Variants in TNS4 observed in about 807,000 individuals in gnomAD.
TNS4 encodes the protein tensin-4.
A neutral mutation model predicts 70.4 loss-of-function variants in TNS4; 46 were observed. The observed-to-expected ratio is 0.65, with a 90% CI of 0.52 to 0.84. The LOEUF is 0.84. Among genes scored for constraint, TNS4 ranks in the 40% least tolerant of loss-of-function variants. The probability of loss-of-function intolerance (pLI) is 0.00; values close to 1 mark genes in which losing one functional copy is unlikely to be tolerated. For missense variants in TNS4, 863 were observed against 907.0 expected (o/e 0.95, Z 0.62); for synonymous variants, 390 against 366.6 (o/e 1.06, Z -0.73).
intron 2 of TNS4, among the ~76,000 whole-genome samples, chr17:40,489,813 A>AAAAAAAAG (rs1555593256): frequency 6.0e-5 from 9 of 150,894 alleles, no homozygotes; most frequent in Non-Finnish European, 1.2e-4. Context: ...AAAAAAAAAA[A>AAAAAAAAG]GGAAGTGGTT....
chr17:40,478,732 G>T, intron 10 of TNS4, 84 bp from the exon 11 acceptor site: 2 of 1,484,130 alleles, frequency 1.3e-6, no homozygotes, highest in Non-Finnish European at 1.9e-6. Context: ...TTCCCCCCAA[G>T]CTCAGGTGCC....
At chr17:40,499,348 G>A (rs182413094) in intron 1 of TNS4, among the ~76,000 whole-genome samples, 1 of 152,130 alleles carries the variant, frequency 6.6e-6, no homozygotes, top group Non-Finnish European at 1.5e-5. Context: ...ATGCTCACTC[G>A]GGGAGCTCGG....
chr17:40,484,874 G>C (rs751586242), intron 5 of TNS4, 47 bp downstream of exon 5: 1 of 1,599,932 alleles, frequency 6.3e-7, no homozygotes, highest in East Asian at 2.2e-5. Context: ...CTGATGCAAA[G>C]TGCAAGACCC....
chr17:40,496,221 C>A lies in TNS4; in HGVS notation c.205G>T (p.Ala69Ser). The stretch of plus-strand genomic sequence containing the variant: ...GTGGCTTTGGCCTCCACCTGTGGGG[C>A]TTGCTGGAGTCGGCCAGGGGGCCCC... ...CMGPPGRLQQ[A>S]PQVEAKATCF... The change falls in exon 2 of 13, where the codon GCC becomes TCC. Residue 69 changes from alanine (A) to serine (S), a missense_variant. By Grantham distance (99) the Ala-to-Ser change is moderately conservative (BLOSUM62 1). Transcript: ENST00000254051. 6.3e-7 allele frequency: 1 copy of A among 1,598,598 alleles called. No homozygotes were observed.
chr17:40,483,556 C>G (rs1355843950), intron 6 of TNS4, among the ~76,000 whole-genome samples: 5 of 152,178 alleles, frequency 3.3e-5, no homozygotes, highest in African/African-American at 1.2e-4. Context: ...GTTTCTGTCT[C>G]CCCCTGCCCA....
chr17:40,496,082 G>A lies in TNS4; in HGVS notation c.344C>T (p.Thr115Ile). 1 of 1,613,160 alleles carries A rather than the reference G, an allele frequency of 6.2e-7. No individual in the cohort carries two copies. Among genetic ancestry groups the A allele is most frequent in the Non-Finnish European group, 8.5e-7 (1 of 1,179,674 alleles). Reference sequence around the variant, plus strand: ...AGTCCCTGGGGGAAGCAGCTGGAAGGTGGGGTCCAGTTCCAGGATCATCTG... The same window carrying A: ...AGTCCCTGGGGGAAGCAGCTGGAAGATGGGGTCCAGTTCCAGGATCATCTG... Reference protein sequence around the residue: ...LNQMILELDPTFQLLPPGTGG... With the variant: ...LNQMILELDPIFQLLPPGTGG... The change falls in exon 2 of 13, where the codon ACC (threonine) becomes ATC (isoleucine). Residue 115 changes from threonine (T) to isoleucine (I), a missense_variant. By Grantham distance (89) the Thr-to-Ile change is moderately conservative. Transcript: ENST00000254051.
At position 40,496,343 on chromosome 17, in the gene TNS4, A is replaced by C; in HGVS notation, c.83T>G (p.Leu28Arg). Residue 28 changes from leucine to arginine, a missense_variant, in exon 2 of 13, where the codon CTG (leucine) becomes CGG (arginine). By Grantham distance (102) the Leu-to-Arg change is moderately radical. Coordinates refer to ENST00000254051, the MANE Select transcript of TNS4 (RefSeq NM_032865.6). ...LAPCDEPRRT[L>R]HPAPSPSLPP... is the part of the protein sequence containing the mutation. The stretch of plus-strand genomic sequence containing the variant: ...CAGGCTGGGGCTGGGTGCTGGGTGC[A>C]GGGTCCTCCTGGGCTCATCACAAGG... 1 of 1,613,538 alleles carries C rather than the reference A, an allele frequency of 6.2e-7. No homozygotes were observed. The highest frequency in any genetic ancestry group is 8.5e-7 in the Non-Finnish European group (1 of 1,179,904).
intron 6 of TNS4, 54 bp downstream of exon 6, chr17:40,484,430 C>G: frequency 6.3e-7 from 1 of 1,594,138 alleles, no homozygotes; most frequent in South Asian, 1.1e-5. Context: ...CTGGAACCTA[C>G]CACACCCCGC....
intron 3 of TNS4, among the ~76,000 whole-genome samples, chr17:40,488,102 C>T (rs1277843314): frequency 6.6e-6 from 1 of 152,206 alleles, no homozygotes; most frequent in African/African-American, 2.4e-5. Flanking sequence ...GAGAACTGAG[C>T]TGGGATGATT....
rs2036005836 is a variant in TNS4 at position 40,487,448 on chromosome 17, G to A, written c.876C>T (p.Leu292=). ...VSYMFGSSQS[L]LHSSNSSHQS... ...GATGGCTGGAGTTGCTGGAGTGCAG[G>A]AGGGACTGGCTGCTGCAGCGGGAGA... is the stretch of plus-strand genomic sequence containing the variant. Residue 292 remains leucine, a synonymous_variant, in exon 4 of 13, where the codon CTC becomes CTT. Transcript: ENST00000254051. The A allele has an allele frequency of 6.2e-7, 1 of 1,606,822 alleles. No homozygotes were observed. Among genetic ancestry groups the A allele is most frequent in the African/African-American group, 1.3e-5 (1 of 74,914 alleles).
chr17:40,486,498 C>T (rs929850037), intron 4 of TNS4, among the ~76,000 whole-genome samples: 14 of 151,748 alleles, frequency 9.2e-5, no homozygotes, highest in African/African-American at 2.9e-4. Flanking sequence ...AGGAGGCTCT[C>T]TGATGGTACC....
intron 1 of TNS4, among the ~76,000 whole-genome samples, chr17:40,500,921 G>A (rs1436039651): frequency 1.3e-5 from 2 of 152,050 alleles, no homozygotes; most frequent in Admixed American, 6.6e-5. Context: ...GGCTCCCAGA[G>A]CGCTGGGAGG....
intron 2 of TNS4, among the ~76,000 whole-genome samples, chr17:40,489,886 G>T (rs2036044712): frequency 6.6e-6 from 1 of 151,878 alleles, no homozygotes; most frequent in South Asian, 2.1e-4. Flanking sequence ...CTCACCCCAG[G>T]CTGCGCCTTG....
Position 40,496,241 on chromosome 17 carries a change from G to A in TNS4, c.185C>T (p.Pro62Leu). 6.3e-7 allele frequency: 1 copy of A among 1,594,520 alleles called. No individual in the cohort carries two copies. The highest frequency in any genetic ancestry group is 8.5e-7 in the Non-Finnish European group (1 of 1,171,066). The change falls in exon 2 of 13, where the codon CCC (proline) becomes CTC (leucine). Residue 62 changes from proline to leucine, a missense_variant. Pro to Leu is a moderately conservative substitution (Grantham distance 98). Transcript: ENST00000254051. ...ALMAPVPCMG[P>L]PGRLQQAPQV... The stretch of plus-strand genomic sequence containing the variant: ...TGGGGCTTGCTGGAGTCGGCCAGGG[G>A]GCCCCATGCAGGGCACGGGGGCCAT...
In TNS4 at chr17:40,476,304, T is replaced by C. The variant is rs2035846469; in HGVS notation, c.*1284A>G. On this transcript the variant is annotated 3_prime_UTR_variant, in exon 13 of 13. Transcript: ENST00000254051. Reference sequence around the variant, plus strand: ...CTCTTAGGGAAGCGGCCTCTTTGCATTCTTGACTCTCTGCTTCCCCCGTGT... The same window carrying C: ...CTCTTAGGGAAGCGGCCTCTTTGCACTCTTGACTCTCTGCTTCCCCCGTGT... The C allele has an allele frequency of 6.6e-6, 1 of 152,132 alleles. No individual in the cohort carries two copies. Among genetic ancestry groups the C allele is most frequent in the Non-Finnish European group, 1.5e-5 (1 of 68,232 alleles). 9.4% of individuals were successfully genotyped at this position (152,132 alleles called of 1,614,324 possible).
chr17:40,484,308 G>A (rs2143794702), intron 6 of TNS4, among the ~76,000 whole-genome samples, 176 bp downstream of exon 6: 1 of 152,300 alleles, frequency 6.6e-6, no homozygotes, highest in Non-Finnish European at 1.5e-5. Flanking sequence ...GCGTTTTTCA[G>A]GGTGCCTTGG....
Position 40,496,271 on chromosome 17 carries a change from G to A in TNS4, c.155C>T (p.Ala52Val). The change falls in exon 2 of 13, where the codon GCC (alanine) becomes GTC (valine). Residue 52 changes from alanine (A) to valine (V), a missense_variant. By Grantham distance (64) the Ala-to-Val change is moderately conservative (BLOSUM62 0). Transcript: ENST00000254051. ...YYTTEGWGAQALMAPVPCMGP... is the reference protein window; with the variant it reads ...YYTTEGWGAQVLMAPVPCMGP... Reference sequence around the variant, plus strand: ...CATGCAGGGCACGGGGGCCATCAGGGCCTGGGCTCCCCAGCCTTCCGTGGT... The same window carrying A: ...CATGCAGGGCACGGGGGCCATCAGGACCTGGGCTCCCCAGCCTTCCGTGGT... 1.6e-5 allele frequency: 26 copies of A among 1,607,668 alleles called. No homozygotes were observed. The highest frequency in any genetic ancestry group is 2.2e-5 in the Non-Finnish European group (26 of 1,177,078).
chr17:40,481,883 C>T (rs1302843323), intron 8 of TNS4, among the ~76,000 whole-genome samples: 1 of 152,210 alleles, frequency 6.6e-6, no homozygotes, highest in Non-Finnish European at 1.5e-5. Context: ...AGAGCCTTGC[C>T]CGGGCTATCT....
intron 10 of TNS4, 37 bp downstream of exon 10, chr17:40,479,637 C>A (rs1304552354): frequency 6.3e-7 from 1 of 1,596,992 alleles, no homozygotes; most frequent in East Asian, 2.2e-5. Flanking sequence ...CTCTACTCCG[C>A]CAGCCCCGGA....
Sources: gnomAD v4.1 joint callset for allele counts (sites outside exome capture counted in the v4.1 genomes callset) on GRCh38, gnomAD v4.1.1 for gene constraint, MANE v1.5 for transcripts, NCBI Gene and HGNC (gene_info 2026-07-23, HGNC 2026-07-21) for gene names.